CDK14: variants seen among roughly 807,000 people sequenced by gnomAD.
The protein encoded by CDK14 is cyclin dependent kinase 14.
CDK14 carries 34 observed loss-of-function variants against 60.7 expected under a neutral mutation model. That is an observed-to-expected ratio of 0.56 (90% CI 0.43 to 0.75). The LOEUF (loss-of-function observed/expected upper bound fraction) is 0.75, where lower values mean the gene tolerates loss of function less well. Among genes scored for constraint, CDK14 ranks in the 30% least tolerant of loss-of-function variants. CDK14 has a pLI of 0.00. For synonymous variants in CDK14, 197 were observed against 203.7 expected, an observed-to-expected ratio of 0.97 and a Z score of 0.28; for missense variants, 482 against 564.1, an observed-to-expected ratio of 0.85 and a Z score of 1.47.
intron 14 of CDK14, among the ~76,000 whole-genome samples, chr7:91,154,333 T>C (rs1328521997): frequency 6.6e-6 from 1 of 152,054 alleles, no homozygotes; most frequent in South Asian, 2.1e-4. Context: ...GGCCAACCAT[T>C]GAACATTAAA....
chr7:91,094,804 A>G (rs1220932381), intron 12 of CDK14, among the ~76,000 whole-genome samples: 1 of 152,214 alleles, frequency 6.6e-6, no homozygotes, highest in African/African-American at 2.4e-5. Flanking sequence ...AGATAGCTTC[A>G]GTACCTTGTA....
Position 91,036,810 on chromosome 7 carries a change from A to T in CDK14, c.1042-9087A>T, listed in dbSNP as rs533429943. ...AAGTTTTGGGAGAGCCAAGAGTTTT[A>T]TGGGAATTTTTGACTGTGCATGGGG... On this transcript the variant is annotated intron_variant, in intron 10 of 14. Coordinates refer to ENST00000380050, the MANE Select transcript of CDK14 (RefSeq NM_001287135.2). 5.1e-4 allele frequency among the ~76,000 whole-genome samples: 77 copies of T among 152,264 alleles called. 1 individual carries two copies. Among genetic ancestry groups the T allele is most frequent in the African/African-American group, 1.8e-3 (75 of 41,554 alleles).
intron 3 of CDK14, among the ~76,000 whole-genome samples, chr7:90,730,125 C>T (rs1014258958): frequency 9.2e-5 from 14 of 152,080 alleles, no homozygotes; most frequent in African/African-American, 2.9e-4. Context: ...CTGTTCTTCT[C>T]TTAGTTTGCT....
chr7:90,810,825 G>T (rs1463863839), intron 5 of CDK14, among the ~76,000 whole-genome samples: 1 of 151,594 alleles, frequency 6.6e-6, no homozygotes, highest in Non-Finnish European at 1.5e-5. Flanking sequence ...ATCAGTAACA[G>T]ACAAACAGAG....
At chr7:91,171,326 G>C (rs1029324931) in intron 14 of CDK14, among the ~76,000 whole-genome samples, 32 of 151,834 alleles carry the variant, frequency 2.1e-4, no homozygotes, top group African/African-American at 7.7e-4. Flanking sequence ...CTCCAGCCTG[G>C]GTGACAGGGC....
At chr7:90,743,838 C>T (rs1803453316) in intron 3 of CDK14, among the ~76,000 whole-genome samples, 1 of 151,784 alleles carries the variant, frequency 6.6e-6, no homozygotes, top group Non-Finnish European at 1.5e-5. Context: ...GCTATATTTT[C>T]CCCTTCTTTA....
chr7:91,111,590 A>G (rs1192858792), intron 12 of CDK14, among the ~76,000 whole-genome samples: 1 of 152,156 alleles, frequency 6.6e-6, no homozygotes, highest in African/African-American at 2.4e-5. Flanking sequence ...TCAACTTGCT[A>G]CCCAAGTGAT....
At chr7:91,042,208 G>A (rs1404568025) in intron 10 of CDK14, among the ~76,000 whole-genome samples, 5 of 152,158 alleles carry the variant, frequency 3.3e-5, no homozygotes, top group Admixed American at 1.3e-4. Context: ...TGAGCATCGT[G>A]TTAATTTGGA....
intron 5 of CDK14, among the ~76,000 whole-genome samples, chr7:90,816,217 A>C (rs1584004476): frequency 6.6e-6 from 1 of 152,190 alleles, no homozygotes; most frequent in African/African-American, 2.4e-5. Context: ...ACAGAGAAAG[A>C]CATAACTGCC....
chr7:90,661,353 T>C (rs1180003816), intron 2 of CDK14, among the ~76,000 whole-genome samples: 2 of 152,200 alleles, frequency 1.3e-5, no homozygotes, highest in Non-Finnish European at 2.9e-5. Context: ...CATAGACAGC[T>C]TACGTAAATT....
At chr7:90,656,208 C>T (rs925010982) in intron 2 of CDK14, among the ~76,000 whole-genome samples, 3 of 152,028 alleles carry the variant, frequency 2.0e-5, no homozygotes, top group South Asian at 2.1e-4. Flanking sequence ...ATATCTTGAA[C>T]GTGAAAGCAT....
chr7:90,797,301 C>T (rs1012128863), intron 5 of CDK14, among the ~76,000 whole-genome samples: 1 of 151,812 alleles, frequency 6.6e-6, no homozygotes, highest in Admixed American at 6.6e-5. Flanking sequence ...GTGGTCTTCT[C>T]CCTGTGTCTT....
At chr7:90,923,978 A>G (rs1454670627) in intron 8 of CDK14, among the ~76,000 whole-genome samples, 3 of 152,248 alleles carry the variant, frequency 2.0e-5, no homozygotes, top group African/African-American at 7.2e-5. Context: ...ATCACAGTGG[A>G]TTTATGTAAT....
At chr7:91,204,437 C>T (rs1802820383) in intron 14 of CDK14, among the ~76,000 whole-genome samples, 1 of 151,786 alleles carries the variant, frequency 6.6e-6, no homozygotes, top group Non-Finnish European at 1.5e-5. Flanking sequence ...TGCACTTTGC[C>T]AAAATTAAAA....
In CDK14 at chr7:91,076,894, A is replaced by G. The variant is rs368865385; in HGVS notation, c.1106-2538A>G. On this transcript the variant is annotated intron_variant, in intron 11 of 14. Transcript: ENST00000380050. ...TTTATACAGCCAACAAACATATGAAAAAAAGTTCAACATCACTGATCATTA... is the reference window on the plus strand; with the variant it reads ...TTTATACAGCCAACAAACATATGAAGAAAAGTTCAACATCACTGATCATTA... Among the ~76,000 whole-genome samples, 4 of 152,382 alleles carry G rather than the reference A, an allele frequency of 2.6e-5. No individual in the cohort carries two copies. The South Asian group carries it at 6.2e-4, about 24-fold the overall frequency.
chr7:91,068,099 C>G (rs1291349344), intron 11 of CDK14, among the ~76,000 whole-genome samples: 1 of 152,216 alleles, frequency 6.6e-6, no homozygotes, highest in Non-Finnish European at 1.5e-5. Context: ...TCCTGTTTCT[C>G]CTTTGTCAGT....
intron 2 of CDK14, among the ~76,000 whole-genome samples, chr7:90,618,748 T>A (rs549749787): frequency 6.6e-6 from 1 of 152,222 alleles, no homozygotes; most frequent in South Asian, 2.1e-4. Flanking sequence ...ATGGACTAGT[T>A]CTGCAAGTAT....
At chr7:90,923,774 T>C (rs1348363066) in intron 8 of CDK14, among the ~76,000 whole-genome samples, 3 of 152,236 alleles carry the variant, frequency 2.0e-5, no homozygotes, top group African/African-American at 7.2e-5. Flanking sequence ...ATGTGTTTCT[T>C]TTTTCCTGTA....
At chr7:90,923,234 C>T (rs986083925) in intron 8 of CDK14, among the ~76,000 whole-genome samples, 5 of 151,698 alleles carry the variant, frequency 3.3e-5, no homozygotes, top group African/African-American at 7.3e-5. Flanking sequence ...CTCAGCCTCC[C>T]GAGTAGCTGG....
Sources: allele counts gnomAD v4.1 joint callset (sites outside exome capture counted in the v4.1 genomes callset), GRCh38; gene constraint gnomAD v4.1.1; transcripts MANE v1.5; gene names NCBI Gene and HGNC (gene_info 2026-07-23, HGNC 2026-07-21).